F2RL2: variants seen among roughly 807,000 people sequenced by gnomAD.
F2RL2 encodes the protein proteinase-activated receptor 3.
A neutral mutation model predicts 4.3 loss-of-function variants in F2RL2; 4 were observed. The observed-to-expected ratio is 0.93, with a 90% confidence interval of 0.46 to 2.12. The LOEUF is 2.12. Among genes scored for constraint, F2RL2 ranks in the 30% most tolerant of loss-of-function variants. The pLI is 0.02. For missense variants in F2RL2, 408 were observed against 449.3 expected (o/e 0.91, Z 0.83); for synonymous variants, 166 against 170.9 (o/e 0.97, Z 0.22).
At chr5:76,622,449 C>G (rs1023634327) in intron 1 of F2RL2, among the ~76,000 whole-genome samples, 1 of 152,182 alleles carries the variant, frequency 6.6e-6, no homozygotes, top group Non-Finnish European at 1.5e-5. Flanking sequence ...TATGTCCAGT[C>G]TTTGCCTCTC....
In F2RL2 at chr5:76,617,667, C is replaced by T. The variant is rs748572943; in HGVS notation, c.1040G>A (p.Gly347Asp). 1 of 1,613,996 alleles carries T rather than the reference C, an allele frequency of 6.2e-7. No individual in the cohort carries two copies. The highest frequency in any genetic ancestry group is 8.5e-7 in the Non-Finnish European group (1 of 1,179,992). ...YFIYLIALCL[G>D]SLNSCLDPFL... ...TGGATCTAAGCAACTATTAAGACTA[C>T]CCAGGCACAAAGCTATGAGATATAT... Residue 347 changes from glycine to aspartate, a missense_variant, in exon 2 of 2, where the codon GGT becomes GAT. Transcript: ENST00000296641.
intron 1 of F2RL2, among the ~76,000 whole-genome samples, chr5:76,620,969 A>G (rs1001477786): frequency 2.0e-5 from 3 of 152,238 alleles, no homozygotes; most frequent in African/African-American, 7.2e-5. Context: ...AACTTTTTGT[A>G]ACCCTTTCAC....
At chr5:76,622,080 G>A (rs1486482088) in intron 1 of F2RL2, among the ~76,000 whole-genome samples, 1 of 152,170 alleles carries the variant, frequency 6.6e-6, no homozygotes, top group African/African-American at 2.4e-5. Flanking sequence ...AATAAGGCAG[G>A]TTGGACAAGC....
chr5:76,617,783 C>T lies in F2RL2; in HGVS notation c.924G>A (p.Val308=). 6.2e-7 allele frequency: 1 copy of T among 1,613,528 alleles called. No individual in the cohort carries two copies. Among genetic ancestry groups the T allele is most frequent in the Non-Finnish European group, 8.5e-7 (1 of 1,179,696 alleles). The change falls in exon 2 of 2, where the codon GTG becomes GTA. Residue 308 remains valine (V), a synonymous_variant. Transcript: ENST00000296641. ...WYVKASLLIL[V]IFTICFAPSN... ...TTGGAGCAAAGCAAATGGTAAAAAT[C>T]ACAAGGATGAGGAGACTCGCCTTAA... is the stretch of plus-strand genomic sequence containing the variant.
In F2RL2 at chr5:76,617,898, C is replaced by G; in HGVS notation, c.809G>C (p.Gly270Ala). ...GATAAGCACAAATGGAATTAAGAATCCAAAGAATGCCAAGGAGATGAAGTA... is the reference window on the plus strand; with the variant it reads ...GATAAGCACAAATGGAATTAAGAATGCAAAGAATGCCAAGGAGATGAAGTA... ...LYYFISLAFF[G>A]FLIPFVLIIY... Residue 270 changes from glycine (G) to alanine (A), a missense_variant, in exon 2 of 2, where the codon GGA becomes GCA. Gly to Ala is a moderately conservative substitution (Grantham distance 60, BLOSUM62 0). Transcript: ENST00000296641. 6.2e-7 allele frequency: 1 copy of G among 1,613,910 alleles called. No homozygotes were observed. The highest frequency in any genetic ancestry group is 2.2e-5 in the East Asian group (1 of 44,862).
chr5:76,618,301 C>T lies in F2RL2; in HGVS notation c.406G>A (p.Ala136Thr). The T allele has an allele frequency of 6.2e-7, 1 of 1,614,134 alleles. No individual in the cohort carries two copies. Among genetic ancestry groups the T allele is most frequent in the Non-Finnish European group, 8.5e-7 (1 of 1,180,010 alleles). Reference protein sequence around the residue: ...ICTTVFYTNLAIADFLFCVTL... With the variant: ...ICTTVFYTNLTIADFLFCVTL... Reference sequence around the variant, plus strand: ...ACACAAAAAAGAAAATCTGCAATGGCCAGGTTGGTGTAGAATACAGTGGTA... The same window carrying T: ...ACACAAAAAAGAAAATCTGCAATGGTCAGGTTGGTGTAGAATACAGTGGTA... The change falls in exon 2 of 2, where the codon GCC (alanine) becomes ACC (threonine). Residue 136 changes from alanine to threonine, a missense_variant. Coordinates refer to ENST00000296641, the MANE Select transcript of F2RL2 (RefSeq NM_004101.4).
chr5:76,618,437 G>A lies in F2RL2; in HGVS notation c.270C>T (p.Ser90=). The A allele has an allele frequency of 6.2e-7, 1 of 1,614,184 alleles. No homozygotes were observed. Among genetic ancestry groups the A allele is most frequent in the Non-Finnish European group, 8.5e-7 (1 of 1,180,026 alleles). ...CAGGTATCAGTTTAGTACTTAAGGA[G>A]CTGGTCAGGTACCCCATGGTAGCAT... The part of the protein sequence containing the change: ...VKNATMGYLT[S]SLSTKLIPAI... Residue 90 remains serine, a synonymous_variant, in exon 2 of 2, where the codon AGC becomes AGT. Transcript: ENST00000296641.
Position 76,618,203 on chromosome 5 carries a change from G to GGCCC in F2RL2, c.500_503dup (p.Thr169GlyfsTer80), listed in dbSNP as rs1561516584. ...TGTTGCCATAGAAGATGACTGTGGT[G>GGCCC]GCCCGGCACAGGACCTCTCCAAATA... On this transcript the variant is annotated frameshift_variant, in exon 2 of 2. Coordinates refer to ENST00000296641, the MANE Select transcript of F2RL2 (RefSeq NM_004101.4). LOFTEE classifies it low-confidence loss of function (END_TRUNC). The GGCCC allele has an allele frequency of 6.2e-7, 1 of 1,614,182 alleles. No individual in the cohort carries two copies. Among genetic ancestry groups the GGCCC allele is most frequent in the Non-Finnish European group, 8.5e-7 (1 of 1,180,034 alleles).
chr5:76,620,271 T>A (rs1749508984), intron 1 of F2RL2, among the ~76,000 whole-genome samples: 1 of 152,218 alleles, frequency 6.6e-6, no homozygotes, highest in Non-Finnish European at 1.5e-5. Flanking sequence ...GCTACTGTCA[T>A]CATTCATAGC....
chr5:76,616,289 GTTAGGA>G lies in F2RL2; in HGVS notation c.*1287_*1292del, dbSNP rs1748958998. 1 of 152,364 alleles carries G rather than the reference GTTAGGA, an allele frequency of 6.6e-6. No individual in the cohort carries two copies. Among genetic ancestry groups the G allele is most frequent in the Non-Finnish European group, 1.5e-5 (1 of 68,044 alleles). 9.4% of individuals were successfully genotyped at this position (152,364 alleles called of 1,614,324 possible). A position where few individuals can be genotyped will look rare whatever the true frequency, so the allele number is the denominator to read the frequency against. On this transcript the variant is annotated 3_prime_UTR_variant, in exon 2 of 2. Transcript: ENST00000296641. ...AAATGAACAGAATTAAGGCAAAGAC[GTTAGGA>G]CTAGCTTTTCAGTCTGAGGCAGAGT...
intron 1 of F2RL2, among the ~76,000 whole-genome samples, chr5:76,621,026 A>G (rs1272141642): frequency 6.6e-6 from 1 of 152,218 alleles, no homozygotes. Flanking sequence ...TACCTTTAAG[A>G]TAGACTTCTA....
chr5:76,619,947 T>A (rs1050623611), intron 1 of F2RL2, among the ~76,000 whole-genome samples: 6 of 152,104 alleles, frequency 3.9e-5, no homozygotes, highest in African/African-American at 1.4e-4. Flanking sequence ...GCTGCTGGCT[T>A]TGAAGATGGA....
Position 76,617,423 on chromosome 5 carries a change from C to T in F2RL2, c.*159G>A. 5 of 622,664 alleles carry T rather than the reference C, an allele frequency of 8.0e-6. No individual in the cohort carries two copies. Among genetic ancestry groups the T allele is most frequent in the Non-Finnish European group, 1.4e-5 (5 of 365,442 alleles). The allele number at this position is 622,664 out of a possible 1,614,324, so 38.6% of individuals were successfully genotyped here. A position where few individuals can be genotyped will look rare whatever the true frequency, so the allele number is the denominator to read the frequency against. ...TGGGTGATAAAGTGAGACTCAGTCTCAAAAACAAACAAACAAACTACTAAT... is the reference window on the plus strand; with the variant it reads ...TGGGTGATAAAGTGAGACTCAGTCTTAAAAACAAACAAACAAACTACTAAT... On this transcript the variant is annotated 3_prime_UTR_variant, in exon 2 of 2. Transcript: ENST00000296641.
intron 1 of F2RL2, among the ~76,000 whole-genome samples, chr5:76,621,717 C>A (rs1484518444): frequency 2.0e-5 from 3 of 152,174 alleles, no homozygotes; most frequent in African/African-American, 7.2e-5. Flanking sequence ...GATCTGGGTC[C>A]ACTTAAATAA....
intron 1 of F2RL2, among the ~76,000 whole-genome samples, chr5:76,622,640 A>G (rs1040739328): frequency 6.6e-6 from 1 of 152,218 alleles, no homozygotes; most frequent in Non-Finnish European, 1.5e-5. Flanking sequence ...TTTAAAATTA[A>G]AAAATCATAT....
chr5:76,617,460 G>T lies in F2RL2; in HGVS notation c.*122C>A. 2 of 706,370 alleles carry T rather than the reference G, an allele frequency of 2.8e-6. No individual in the cohort carries two copies. The highest frequency in any genetic ancestry group is 2.0e-5 in the South Asian group (1 of 51,076). 43.8% of individuals were successfully genotyped at this position (706,370 alleles called of 1,614,324 possible). ...AACAAACTACTAATGCTTTTGTAAT[G>T]TTTGACCTTTGAAGCATATTTCTTA... On this transcript the variant is annotated 3_prime_UTR_variant, in exon 2 of 2. Coordinates refer to ENST00000296641, the MANE Select transcript of F2RL2 (RefSeq NM_004101.4).
At chr5:76,621,872 C>A (rs1254835805) in intron 1 of F2RL2, among the ~76,000 whole-genome samples, 1 of 152,124 alleles carries the variant, frequency 6.6e-6, no homozygotes, top group Non-Finnish European at 1.5e-5. Flanking sequence ...CCTTGAAGAA[C>A]TAATCCAAAG....
intron 1 of F2RL2, among the ~76,000 whole-genome samples, chr5:76,621,338 G>C (rs1377414564): frequency 6.6e-6 from 1 of 152,302 alleles, no homozygotes; most frequent in Non-Finnish European, 1.5e-5. Context: ...AGAAAAGGTA[G>C]ATTAAAGAAA....
chr5:76,621,868 A>G (rs1749710442), intron 1 of F2RL2, among the ~76,000 whole-genome samples: 3 of 152,182 alleles, frequency 2.0e-5, no homozygotes, highest in Admixed American at 2.0e-4. Context: ...AAGGCCTTGA[A>G]GAACTAATCC....
Sources: allele counts gnomAD v4.1 joint callset (sites outside exome capture counted in the v4.1 genomes callset), GRCh38; gene constraint gnomAD v4.1.1; transcripts MANE v1.5; gene names NCBI Gene and HGNC (gene_info 2026-07-23, HGNC 2026-07-21).